FMN1: variants seen among roughly 807,000 people sequenced by gnomAD.
The protein encoded by FMN1 is formin 1.
In FMN1, 110 loss-of-function variants were observed where a neutral mutation model predicts 132.4. The observed-to-expected ratio is 0.83, with a 90% CI of 0.71 to 0.97. The LOEUF (loss-of-function observed/expected upper bound fraction) is 0.97, where lower values mean the gene tolerates loss of function less well. FMN1 is among the 50% of genes least tolerant of loss of function. The probability of loss-of-function intolerance (pLI) is 0.00; values close to 1 mark genes in which losing one functional copy is unlikely to be tolerated. For synonymous variants in FMN1, 722 were observed against 651.7 expected (o/e 1.11, Z -1.64); for missense variants, 1,792 against 1,705.3 (o/e 1.05, Z -0.90).
At position 33,070,372 on chromosome 15, in the gene FMN1, G is replaced by A. The variant is rs144913783; in HGVS notation, c.2044-5298C>T. 1.7e-4 allele frequency among the ~76,000 whole-genome samples: 24 copies of A among 144,262 alleles called. No individual in the cohort carries two copies. In the East Asian group the frequency reaches 4.9e-3, roughly 29 times the overall value. The allele number at this position is 144,262 out of a possible 152,430, so 94.6% of individuals were successfully genotyped here. A position where few individuals can be genotyped will look rare whatever the true frequency, so the allele number is the denominator to read the frequency against. On this transcript the variant is annotated intron_variant, in intron 5 of 20. Coordinates refer to ENST00000616417, the MANE Select transcript of FMN1 (RefSeq NM_001277313.2). Reference sequence around the variant, plus strand: ...AATATGGCAGGGGGCAGTGGGAGAGGGCACGTATTTGGTCTTTTTTTTTTT... The same window carrying A: ...AATATGGCAGGGGGCAGTGGGAGAGAGCACGTATTTGGTCTTTTTTTTTTT...
At chr15:32,815,830 A>T (rs1457160437) in intron 17 of FMN1, among the ~76,000 whole-genome samples, 1 of 152,160 alleles carries the variant, frequency 6.6e-6, no homozygotes, top group Non-Finnish European at 1.5e-5. Context: ...AGGTGCTATG[A>T]TACTAAATTC....
rs550624490 is a variant in FMN1 at position 32,998,170 on chromosome 15, G to A, written c.2223+9844C>T. On this transcript the variant is annotated intron_variant, in intron 7 of 20. Coordinates refer to ENST00000616417, the MANE Select transcript of FMN1 (RefSeq NM_001277313.2). ...ATGTTATTGTGCTCAATGAATAAAC[G>A]TCTCTGGGCTGTATTTGATGGTATC... 1.9e-3 allele frequency among the ~76,000 whole-genome samples: 286 copies of A among 152,276 alleles called. 1 individual carries two copies. Among genetic ancestry groups the A allele is most frequent in the Middle Eastern group, 6.8e-3 (2 of 294 alleles).
In FMN1 at chr15:33,094,245, G is replaced by A. The variant is rs575446751; in HGVS notation, c.1868-5271C>T. 6.6e-5 allele frequency among the ~76,000 whole-genome samples: 10 copies of A among 152,238 alleles called. 1 individual carries two copies. Among genetic ancestry groups the A allele is most frequent in the African/African-American group, 1.9e-4 (8 of 41,558 alleles). On this transcript the variant is annotated intron_variant, in intron 4 of 20. Coordinates refer to ENST00000616417, the MANE Select transcript of FMN1 (RefSeq NM_001277313.2). ...CTCATCAATAAAATGAAGATAATAAGAATATGTCTGATATTGAACTAGGCT... is the reference window on the plus strand; with the variant it reads ...CTCATCAATAAAATGAAGATAATAAAAATATGTCTGATATTGAACTAGGCT...
intron 4 of FMN1, among the ~76,000 whole-genome samples, chr15:33,093,421 T>G (rs955723982): frequency 2.0e-5 from 3 of 152,214 alleles, no homozygotes; most frequent in Non-Finnish European, 4.4e-5. Context: ...AAAGTGACAC[T>G]GCTAAGTGCT....
In FMN1 at chr15:33,090,599, T is replaced by C. The variant is rs1308499869; in HGVS notation, c.1868-1625A>G. ...GCAGACACAGTTGTCTAGAAGAGTA[T>C]ACCCAGGCTCTTCCTTCATCTCGGT... On this transcript the variant is annotated intron_variant, in intron 4 of 20. Coordinates refer to ENST00000616417, the MANE Select transcript of FMN1 (RefSeq NM_001277313.2). Among the ~76,000 whole-genome samples the C allele has an allele frequency of 2.6e-5, 4 of 151,990 alleles. No individual in the cohort carries two copies. In the East Asian group the frequency reaches 7.7e-4, roughly 29 times the overall value.
In FMN1 at chr15:32,789,188, T is replaced by C. The variant is rs80146624; in HGVS notation, c.4130+9616A>G. On this transcript the variant is annotated intron_variant, in intron 19 of 20. Transcript: ENST00000616417. ...AACAAAGTGGTACAAGACATTGTAATTATCTTCTAGGGGCCTATGATTTAT... is the reference window on the plus strand; with the variant it reads ...AACAAAGTGGTACAAGACATTGTAACTATCTTCTAGGGGCCTATGATTTAT... Among the ~76,000 whole-genome samples the C allele has an allele frequency of 2.0e-3, 303 of 152,338 alleles. 1 individual carries two copies. The highest frequency in any genetic ancestry group is 6.5e-3 in the African/African-American group (272 of 41,572).
intron 16 of FMN1, among the ~76,000 whole-genome samples, chr15:32,882,338 G>A (rs1457793238): frequency 6.6e-6 from 1 of 152,138 alleles, no homozygotes; most frequent in Non-Finnish European, 1.5e-5. Context: ...CTTCCTTACT[G>A]TAACAACACA....
chr15:33,017,705 A>G (rs903742373), intron 6 of FMN1, among the ~76,000 whole-genome samples: 3 of 152,154 alleles, frequency 2.0e-5, no homozygotes, highest in South Asian at 2.1e-4. Flanking sequence ...AGATGGGGGG[A>G]AACTTCTAAT....
chr15:33,191,099 G>C (rs1189100531), intron 2 of FMN1, among the ~76,000 whole-genome samples: 1 of 152,012 alleles, frequency 6.6e-6, no homozygotes, highest in Non-Finnish European at 1.5e-5. Flanking sequence ...GAACCCGGGA[G>C]GCGGAGCTTG....
At chr15:32,866,012 T>C (rs1194816653) in intron 16 of FMN1, among the ~76,000 whole-genome samples, 2 of 152,020 alleles carry the variant, frequency 1.3e-5, no homozygotes, top group Admixed American at 1.3e-4. Flanking sequence ...TTTACACATA[T>C]ACACCAACAA....
intron 17 of FMN1, among the ~76,000 whole-genome samples, chr15:32,849,914 C>A (rs564681238): frequency 6.6e-6 from 1 of 152,196 alleles, no homozygotes; most frequent in Non-Finnish European, 1.5e-5. Context: ...GCCTTGGCCT[C>A]CCAAAGTGCA....
chr15:32,985,311 T>TC (rs748405781), intron 7 of FMN1, among the ~76,000 whole-genome samples: 1 of 152,276 alleles, frequency 6.6e-6, no homozygotes, highest in South Asian at 2.1e-4. Context: ...TTCCTGGTCC[T>TC]CTTCCTCCCT....
rs765625748 is a variant in FMN1, at chr15:33,154,480, C to G, written c.435G>C (p.Val145=). ...GGGTGCTCCTCTTATTGAGAGGGCC[C>G]ACGGGGAGCTCTCCCTGCCAGTCAC... ...SAGDWQGELP[V]GPLNKRSTHG... is the part of the protein sequence containing the mutation. Residue 145 remains valine (V), a synonymous_variant, in exon 4 of 21, where the codon GTG becomes GTC. Transcript: ENST00000616417. 7.2e-6 allele frequency: 11 copies of G among 1,535,784 alleles called. No individual in the cohort carries two copies. The highest frequency in any genetic ancestry group is 5.9e-5 in the Admixed American group (3 of 50,986).
intron 16 of FMN1, among the ~76,000 whole-genome samples, chr15:32,885,614 G>C (rs1232783176): frequency 6.6e-6 from 1 of 152,158 alleles, no homozygotes; most frequent in African/African-American, 2.4e-5. Context: ...GCACTTGATA[G>C]ATAATAATGA....
chr15:32,955,229 C>T (rs2061738028), intron 9 of FMN1, among the ~76,000 whole-genome samples: 1 of 152,124 alleles, frequency 6.6e-6, no homozygotes. Flanking sequence ...TTTTAATCTC[C>T]ACTTGAATGA....
chr15:33,024,223 ATTTTTTTTTTTTTTT>A (rs555760509), intron 6 of FMN1, among the ~76,000 whole-genome samples: 57 of 88,006 alleles, frequency 6.5e-4, no homozygotes, highest in South Asian at 2.3e-3. Flanking sequence ...CACCTATCAG[ATTTTTTTTTTTTTTT>A]TTTTTTTTTT....
At chr15:32,942,926 T>C (rs902180460) in intron 9 of FMN1, among the ~76,000 whole-genome samples, 1 of 152,178 alleles carries the variant, frequency 6.6e-6, no homozygotes, top group African/African-American at 2.4e-5. Context: ...CAAATAAATG[T>C]AGAAACCATA....
intron 4 of FMN1, among the ~76,000 whole-genome samples, chr15:33,134,201 G>A (rs914284304): frequency 6.6e-5 from 10 of 152,076 alleles, no homozygotes; most frequent in African/African-American, 1.9e-4. Context: ...TTCCTGTCTC[G>A]GCCTCTTAAA....
At chr15:32,940,312 A>G (rs1021219161) in intron 9 of FMN1, among the ~76,000 whole-genome samples, 1 of 152,078 alleles carries the variant, frequency 6.6e-6, no homozygotes, top group African/African-American at 2.4e-5. Context: ...TCATTGTATC[A>G]ACGCTGAAAG....
Sources: gnomAD v4.1 joint callset for allele counts (sites outside exome capture counted in the v4.1 genomes callset) on GRCh38, gnomAD v4.1.1 for gene constraint, MANE v1.5 for transcripts, NCBI Gene and HGNC (gene_info 2026-07-23, HGNC 2026-07-21) for gene names.